The following GRID2 variants were observed in gnomAD, a reference collection of about 807,000 sequenced individuals.
The protein encoded by GRID2 is glutamate ionotropic receptor delta type subunit 2.
GRID2 carries 33 observed loss-of-function variants against 114.8 expected under a neutral mutation model. The ratio of observed to expected loss-of-function variants is 0.29; its 90% CI spans 0.22 to 0.38. GRID2 has a LOEUF of 0.38. Among genes scored for constraint, GRID2 ranks in the 10% least tolerant of loss-of-function variants. The pLI is 1.00. For missense variants in GRID2, 1,184 were observed against 1,257.7 expected (o/e 0.94, Z 0.89); for synonymous variants, 505 against 449.9 (o/e 1.12, Z -1.55).
intron 1 of GRID2, among the ~76,000 whole-genome samples, chr4:93,793,159 G>T (rs1734730502): frequency 6.6e-6 from 1 of 152,010 alleles, no homozygotes; most frequent in Admixed American, 6.6e-5. Flanking sequence ...TTATTAAAAG[G>T]CAAGAAATTA....
At chr4:93,615,759 T>C (rs769795279) in intron 13 of GRID2, among the ~76,000 whole-genome samples, 2 of 152,152 alleles carry the variant, frequency 1.3e-5, no homozygotes, top group South Asian at 4.1e-4. Flanking sequence ...GAAGTAGTTG[T>C]ATTTTTTTAA....
intron 1 of GRID2, among the ~76,000 whole-genome samples, chr4:92,382,348 A>T (rs1729659898): frequency 6.6e-6 from 1 of 152,066 alleles, no homozygotes; most frequent in South Asian, 2.1e-4. Context: ...AGCAGAGTTC[A>T]GTATGGGAGG....
At chr4:92,835,367 AAGT>A (rs1742382475) in intron 2 of GRID2, among the ~76,000 whole-genome samples, 1 of 152,178 alleles carries the variant, frequency 6.6e-6, no homozygotes, top group Admixed American at 6.6e-5. Context: ...GATAAGCTAA[AAGT>A]AGCTAGCAGT....
In GRID2 at chr4:93,582,087, TG is replaced by T. The variant is rs533333139; in HGVS notation, c.2194-44179del. On this transcript the variant is annotated intron_variant, in intron 13 of 15. Coordinates refer to ENST00000282020, the MANE Select transcript of GRID2 (RefSeq NM_001510.4). ...ACAAATTTGCTATTTTATACTTCTC[TG>T]GGTCACATGTTCAAAATGGATCTTA... 1.2e-3 allele frequency among the ~76,000 whole-genome samples: 190 copies of T among 152,330 alleles called. 1 individual carries two copies. Among genetic ancestry groups the T allele is most frequent in the African/African-American group, 3.7e-3 (154 of 41,570 alleles).
intron 2 of GRID2, among the ~76,000 whole-genome samples, chr4:92,919,334 T>C (rs1054446388): frequency 6.6e-6 from 1 of 152,308 alleles, no homozygotes; most frequent in African/African-American, 2.4e-5. Context: ...TTAAAGGGTT[T>C]TTTGTGTCTC....
At chr4:93,745,321 A>G (rs898719649) in intron 14 of GRID2, among the ~76,000 whole-genome samples, 4 of 152,202 alleles carry the variant, frequency 2.6e-5, no homozygotes, top group Non-Finnish European at 5.9e-5. Context: ...ACTTAGAAAA[A>G]AAGAGAGAAT....
At chr4:93,133,184 A>G (rs886572262) in intron 4 of GRID2, among the ~76,000 whole-genome samples, 6 of 151,888 alleles carry the variant, frequency 4.0e-5, no homozygotes, top group African/African-American at 7.3e-5. Context: ...TCAGATTTTT[A>G]TATTATACTC....
intron 2 of GRID2, among the ~76,000 whole-genome samples, chr4:92,851,648 G>C (rs1220515286): frequency 6.6e-6 from 1 of 151,944 alleles, no homozygotes; most frequent in Non-Finnish European, 1.5e-5. Context: ...TTAAAGAAAA[G>C]TTGTGATGCA....
intron 2 of GRID2, among the ~76,000 whole-genome samples, chr4:92,713,475 A>G (rs1735365628): frequency 1.5e-5 from 1 of 67,286 alleles, no homozygotes; most frequent in Non-Finnish European, 2.8e-5. Flanking sequence ...ATATACATAT[A>G]CATATATATA....
chr4:92,759,619 T>A (rs1737892376), intron 2 of GRID2, among the ~76,000 whole-genome samples: 1 of 152,060 alleles, frequency 6.6e-6, no homozygotes, highest in Non-Finnish European at 1.5e-5. Flanking sequence ...TTTTTATTCT[T>A]TTCAGATGGA....
chr4:93,473,156 G>A (rs1004179721), intron 11 of GRID2, among the ~76,000 whole-genome samples: 1 of 151,862 alleles, frequency 6.6e-6, no homozygotes, highest in Admixed American at 6.6e-5. Context: ...TTGTATGTGT[G>A]TACATAAATA....
intron 13 of GRID2, among the ~76,000 whole-genome samples, chr4:93,596,435 G>A (rs1014698901): frequency 1.3e-5 from 2 of 152,072 alleles, no homozygotes; most frequent in Non-Finnish European, 2.9e-5. Context: ...AAAATTAGCT[G>A]GGCATGGTGG....
intron 2 of GRID2, among the ~76,000 whole-genome samples, chr4:93,007,180 G>A (rs1230125331): frequency 2.0e-5 from 3 of 151,792 alleles, no homozygotes; most frequent in East Asian, 1.9e-4. Context: ...GTGCCACTGG[G>A]GAAGGAAATG....
chr4:92,810,998 G>T (rs777274673), intron 2 of GRID2, among the ~76,000 whole-genome samples: 1 of 152,036 alleles, frequency 6.6e-6, no homozygotes, highest in Non-Finnish European at 1.5e-5. Context: ...GGCCAGGTTG[G>T]TCTCAAACTC....
intron 2 of GRID2, among the ~76,000 whole-genome samples, chr4:92,774,640 T>G (rs1235078962): frequency 6.8e-6 from 1 of 146,772 alleles, no homozygotes; most frequent in Non-Finnish European, 1.5e-5. Flanking sequence ...TGAAGTGCAG[T>G]GCAGTGGTGC....
intron 14 of GRID2, among the ~76,000 whole-genome samples, chr4:93,709,747 C>T (rs188637672): frequency 6.6e-6 from 1 of 152,198 alleles, no homozygotes; most frequent in Non-Finnish European, 1.5e-5. Context: ...TTCTGTATCT[C>T]TTAGGTGTGC....
chr4:93,126,829 C>A (rs1267767006), intron 4 of GRID2, among the ~76,000 whole-genome samples: 1 of 151,648 alleles, frequency 6.6e-6, no homozygotes, highest in Non-Finnish European at 1.5e-5. Flanking sequence ...GATCTCCTGA[C>A]CTCGTGATCC....
In GRID2 at chr4:93,634,600, T is replaced by C. The variant is rs577737809; in HGVS notation, c.2360+8165T>C. 4.0e-3 allele frequency among the ~76,000 whole-genome samples: 616 copies of C among 152,210 alleles called. 3 individuals are homozygous for C. Among genetic ancestry groups the C allele is most frequent in the Non-Finnish European group, 6.7e-3 (454 of 68,004 alleles). On this transcript the variant is annotated intron_variant, in intron 14 of 15. Coordinates refer to ENST00000282020, the MANE Select transcript of GRID2 (RefSeq NM_001510.4). Reference sequence around the variant, plus strand: ...ATAACAAACAGATCTAGGCCTCAGGTTGAAGCTCGTGTCCTTATGCAGCAC... The same window carrying C: ...ATAACAAACAGATCTAGGCCTCAGGCTGAAGCTCGTGTCCTTATGCAGCAC...
intron 1 of GRID2, among the ~76,000 whole-genome samples, chr4:92,519,415 CA>C (rs1322235075): frequency 6.6e-6 from 1 of 151,418 alleles, no homozygotes; most frequent in Non-Finnish European, 1.5e-5. Flanking sequence ...TTCTTTATTT[CA>C]AAGTTCTCAG....
Sources: gnomAD v4.1 joint callset for allele counts (sites outside exome capture counted in the v4.1 genomes callset) on GRCh38, gnomAD v4.1.1 for gene constraint, MANE v1.5 for transcripts, NCBI Gene and HGNC (gene_info 2026-07-23, HGNC 2026-07-21) for gene names.